Variants in CACNA1B observed in about 807,000 individuals in gnomAD.
CACNA1B encodes the protein calcium voltage-gated channel subunit alpha1 B.
Under a neutral mutation model 247.2 loss-of-function variants are expected in CACNA1B, and 70 were observed. That is an observed-to-expected ratio of 0.28 (90% CI 0.23 to 0.35). The LOEUF (loss-of-function observed/expected upper bound fraction) is 0.35. CACNA1B is among the 10% of genes least tolerant of loss of function. The pLI, the probability that CACNA1B is intolerant of heterozygous loss-of-function variation, is 1.00. For synonymous variants in CACNA1B, 1,231 were observed against 1,294.4 expected (o/e 0.95, Z 1.05); for missense variants, 2,367 against 3,197.4 (o/e 0.74, Z 6.26).
chr9:137,955,853 C>T lies in CACNA1B; in HGVS notation c.1186+40C>T. 1 of 1,327,318 alleles carries T rather than the reference C, an allele frequency of 7.5e-7. No individual in the cohort carries two copies. Among genetic ancestry groups the T allele is most frequent in the Non-Finnish European group, 1.1e-6 (1 of 938,700 alleles). The allele number at this position is 1,327,318 out of a possible 1,614,324, so 82.2% of individuals were successfully genotyped here. On this transcript the variant is annotated intron_variant, in intron 8 of 46. Transcript: ENST00000371372. This position sits in a 1 kb window ranked among gnomAD's most constrained non-coding sequence, Gnocchi z 6.9. ...GAGCCACTGCACTCCTGGCCGGCCA[C>T]TGTTAGTTCTCTGTCCCCAATTCTG...
At position 138,010,986 on chromosome 9, in the gene CACNA1B, G is replaced by T. The variant is rs963213697; in HGVS notation, c.2160+909G>T. ...CCCCCCAGCCGAGCTCTCCAGGAGGGGGGTGTGGTCCATGCGGTGTGCCAG... is the reference window on the plus strand; with the variant it reads ...CCCCCCAGCCGAGCTCTCCAGGAGGTGGGTGTGGTCCATGCGGTGTGCCAG... On this transcript the variant is annotated intron_variant, in intron 17 of 46. Transcript: ENST00000371372. The surrounding 1 kb of genome is among the most constrained non-coding windows in gnomAD (Gnocchi z 5.3). Among the ~76,000 whole-genome samples the T allele has an allele frequency of 2.6e-5, 4 of 152,198 alleles. No individual in the cohort carries two copies. The highest frequency in any genetic ancestry group is 6.5e-5 in the Admixed American group (1 of 15,284).
At chr9:138,061,294 G>A (rs1248856425) in intron 31 of CACNA1B, among the ~76,000 whole-genome samples, 1 of 152,190 alleles carries the variant, frequency 6.6e-6, no homozygotes, top group African/African-American at 2.4e-5. Flanking sequence ...TGTGGTAGAA[G>A]CCTTCTCCAC....
intron 6 of CACNA1B, among the ~76,000 whole-genome samples, chr9:137,945,564 AT>A (rs1957786107): frequency 6.6e-6 from 1 of 152,210 alleles, no homozygotes; most frequent in South Asian, 2.1e-4. Context: ...TTATAATTTG[AT>A]AAGGCCAAGC....
rs535368837 is a variant in CACNA1B, at chr9:138,016,019, G to C, written c.2267+2784G>C. On this transcript the variant is annotated intron_variant, in intron 18 of 46. Transcript: ENST00000371372. ...ATACACAAGTACACACAGACACACA[G>C]TCACAGAAGCACACACAGAATCATA... 1.2e-4 allele frequency among the ~76,000 whole-genome samples: 18 copies of C among 151,886 alleles called. No individual in the cohort carries two copies. In the South Asian group the frequency reaches 3.7e-3, roughly 32 times the overall value.
At chr9:138,075,624 A>G (rs1415859520) in intron 34 of CACNA1B, among the ~76,000 whole-genome samples, 195 bp from the exon 35 acceptor site, 4 of 152,180 alleles carry the variant, frequency 2.6e-5, no homozygotes, top group African/African-American at 2.4e-5. Flanking sequence ...GAGCCGGCAC[A>G]TGTGTAGCTA....
intron 6 of CACNA1B, among the ~76,000 whole-genome samples, chr9:137,948,016 T>C (rs534240302): frequency 1.4e-5 from 2 of 139,100 alleles, no homozygotes; most frequent in South Asian, 4.8e-4. Context: ...AGTTTCACTC[T>C]GTCACCCAGG....
Position 138,122,078 on chromosome 9 carries a change from G to C in CACNA1B, c.*79G>C. ...TGAGTTTTATCATCCACACGGGGCA[G>C]CCGGCCCTCGGGGGAGGCCTTGCCC... On this transcript the variant is annotated 3_prime_UTR_variant, in exon 47 of 47. Transcript: ENST00000371372. The C allele has an allele frequency of 7.3e-7, 1 of 1,370,608 alleles. No homozygotes were observed. Among genetic ancestry groups the C allele is most frequent in the Non-Finnish European group, 9.8e-7 (1 of 1,022,530 alleles). 84.9% of individuals were successfully genotyped at this position (1,370,608 alleles called of 1,614,324 possible).
intron 18 of CACNA1B, among the ~76,000 whole-genome samples, chr9:138,017,706 G>T (rs967730182): frequency 2.6e-5 from 4 of 152,206 alleles, no homozygotes; most frequent in African/African-American, 9.6e-5. Flanking sequence ...TTGTCCACTT[G>T]GGAAGCTCAC....
chr9:138,074,123 AG>A lies in CACNA1B; in HGVS notation c.4857+61del, dbSNP rs1447672557. On this transcript the variant is annotated intron_variant, in intron 34 of 46. Coordinates refer to ENST00000371372, the MANE Select transcript of CACNA1B (RefSeq NM_000718.4). ...TCCGGCCTCCCGTGCCCTGGAGCAGAGGGGCACTGATCATGATTGTCAAATC... is the reference window on the plus strand; with the variant it reads ...TCCGGCCTCCCGTGCCCTGGAGCAGAGGGCACTGATCATGATTGTCAAATC... The A allele has an allele frequency of 6.9e-6, 8 of 1,158,284 alleles. No homozygotes were observed. In the African/African-American group the frequency reaches 1.1e-4, roughly 15 times the overall value. The allele number at this position is 1,158,284 out of a possible 1,614,324, so 71.8% of individuals were successfully genotyped here.
chr9:138,073,883 G>A lies in CACNA1B; in HGVS notation c.4792-118G>A. 1.3e-6 allele frequency: 1 copy of A among 792,140 alleles called. No individual in the cohort carries two copies. Among genetic ancestry groups the A allele is most frequent in the Non-Finnish European group, 2.2e-6 (1 of 461,258 alleles). The allele number at this position is 792,140 out of a possible 1,614,324, so 49.1% of individuals were successfully genotyped here. A position where few individuals can be genotyped will look rare whatever the true frequency, so the allele number is the denominator to read the frequency against. ...TTGGTGGAGGGGCTTGGTGGCCAGT[G>A]GGATGGAGCTTGAGTAGGCTGAGGT... is the stretch of plus-strand genomic sequence containing the variant. On this transcript the variant is annotated intron_variant, in intron 33 of 46. Coordinates refer to ENST00000371372, the MANE Select transcript of CACNA1B (RefSeq NM_000718.4). The surrounding 1 kb of genome is among the most constrained non-coding windows in gnomAD (Gnocchi z 6.4).
At chr9:138,060,411 G>T (rs1426692331) in intron 31 of CACNA1B, among the ~76,000 whole-genome samples, 1 of 152,188 alleles carries the variant, frequency 6.6e-6, no homozygotes, top group Admixed American at 6.5e-5. Context: ...CAGCAGAGGG[G>T]CATGGGGAAA....
rs145402153 is a variant in CACNA1B, at chr9:138,087,615, G to A, written c.5095-8869G>A. 2.6e-3 allele frequency among the ~76,000 whole-genome samples: 392 copies of A among 148,562 alleles called. 6 individuals are homozygous for A. The East Asian group carries it at 0.038, about 14-fold the overall frequency. On this transcript the variant is annotated intron_variant, in intron 36 of 46. Coordinates refer to ENST00000371372, the MANE Select transcript of CACNA1B (RefSeq NM_000718.4). ...CTGTAGTCCCAGCTACTTGGGAGGC[G>A]GAGGCAGGAGAATTGCTTGAACCCA...
At chr9:138,111,171 A>G (rs904752173) in intron 39 of CACNA1B, among the ~76,000 whole-genome samples, 1 of 152,218 alleles carries the variant, frequency 6.6e-6, no homozygotes, top group Admixed American at 6.5e-5. Flanking sequence ...GCACTTAGGA[A>G]ATGAAAACAT....
chr9:137,954,706 C>T lies in CACNA1B; in HGVS notation c.1071-992C>T, dbSNP rs1005397098. Reference sequence around the variant, plus strand: ...GGGTGCACCTGGGCAGGCCTGGTCACCTTGCACTGCCTGGGCTGTAGCAGC... The same window carrying T: ...GGGTGCACCTGGGCAGGCCTGGTCATCTTGCACTGCCTGGGCTGTAGCAGC... On this transcript the variant is annotated intron_variant, in intron 7 of 46. Coordinates refer to ENST00000371372, the MANE Select transcript of CACNA1B (RefSeq NM_000718.4). The surrounding 1 kb of genome is among the most constrained non-coding windows in gnomAD (Gnocchi z 4.1). Among the ~76,000 whole-genome samples the T allele has an allele frequency of 5.4e-5, 8 of 149,182 alleles. No individual in the cohort carries two copies. Among genetic ancestry groups the T allele is most frequent in the Non-Finnish European group, 9.0e-5 (6 of 66,526 alleles).
chr9:137,949,702 G>C (rs1466794010), intron 6 of CACNA1B, among the ~76,000 whole-genome samples: 1 of 152,064 alleles, frequency 6.6e-6, no homozygotes, highest in African/African-American at 2.4e-5. Flanking sequence ...GTGAAATCCA[G>C]AGGCACCTGC....
chr9:138,114,643 C>A (rs1205013184), intron 41 of CACNA1B, among the ~76,000 whole-genome samples, 153 bp downstream of exon 41: 1 of 152,086 alleles, frequency 6.6e-6, no homozygotes, highest in Non-Finnish European at 1.5e-5. Flanking sequence ...CTCTCTGGCC[C>A]CCAGAGTCAG....
In CACNA1B at chr9:138,053,741, C is replaced by T. The variant is rs1959387094; in HGVS notation, c.3808-105C>T. 8.5e-6 allele frequency: 7 copies of T among 826,708 alleles called. No individual in the cohort carries two copies. In the East Asian group the frequency reaches 1.1e-4, roughly 13 times the overall value. 51.2% of individuals were successfully genotyped at this position (826,708 alleles called of 1,614,324 possible). ...CCCTCCCACCTTGGCTTCACCCCCT[C>T]ATCGTGGCTCCACCCCTCCCCGTGA... On this transcript the variant is annotated intron_variant, in intron 25 of 46. Transcript: ENST00000371372.
intron 6 of CACNA1B, among the ~76,000 whole-genome samples, chr9:137,926,916 C>T (rs983674277): frequency 2.0e-5 from 3 of 152,284 alleles, no homozygotes; most frequent in Non-Finnish European, 2.9e-5. Flanking sequence ...TTTAGGCATT[C>T]TCTGTATATT....
rs951915555 is a variant in CACNA1B at position 137,901,943 on chromosome 9, G to A, written c.531-11237G>A. Among the ~76,000 whole-genome samples the A allele has an allele frequency of 6.6e-5, 10 of 151,916 alleles. 1 individual carries two copies. In the East Asian group the frequency reaches 1.4e-3, roughly 21 times the overall value. On this transcript the variant is annotated intron_variant, in intron 3 of 46. Transcript: ENST00000371372. Reference sequence around the variant, plus strand: ...TGACCTCAAGTGATCCACCCGCCTCGACCTCCCAAAGTGCTGGGATTACAG... The same window carrying A: ...TGACCTCAAGTGATCCACCCGCCTCAACCTCCCAAAGTGCTGGGATTACAG...
Sources: allele counts gnomAD v4.1 joint callset (sites outside exome capture counted in the v4.1 genomes callset), GRCh38; gene constraint gnomAD v4.1.1; non-coding constraint Gnocchi (gnomAD v3.1); transcripts MANE v1.5; gene names NCBI Gene and HGNC (gene_info 2026-07-23, HGNC 2026-07-21).